The following UBAP1 variants were observed in gnomAD, a reference collection of about 807,000 sequenced individuals.
UBAP1 encodes ubiquitin-associated protein 1.
UBAP1 carries 5 observed loss-of-function variants against 39.0 expected under a neutral mutation model. That is an observed-to-expected ratio of 0.13 (90% CI 0.07 to 0.27). The LOEUF is 0.27. Among genes scored for constraint, UBAP1 ranks in the 10% least tolerant of loss-of-function variants. UBAP1 has a pLI of 1.00. For missense variants in UBAP1, 490 were observed against 608.1 expected (o/e 0.81, Z 2.04); for synonymous variants, 211 against 225.1 (o/e 0.94, Z 0.56).
intron 1 of UBAP1, among the ~76,000 whole-genome samples, chr9:34,215,754 C>T (rs989165778): frequency 2.0e-5 from 3 of 147,402 alleles, no homozygotes; most frequent in African/African-American, 7.6e-5. Flanking sequence ...TATATATGTA[C>T]ACACACACAC....
At chr9:34,228,506 C>A (rs1833226622) in intron 2 of UBAP1, among the ~76,000 whole-genome samples, 1 of 151,430 alleles carries the variant, frequency 6.6e-6, no homozygotes, top group Admixed American at 6.6e-5. Context: ...ATTCTCACAG[C>A]ACCATCATTA....
rs951571946 is a variant in UBAP1 at position 34,234,411 on chromosome 9, A to G, written c.159+71A>G. 4 of 1,491,670 alleles carry G rather than the reference A, an allele frequency of 2.7e-6. 1 individual carries two copies. In the African/African-American group the frequency reaches 4.2e-5, roughly 16 times the overall value. The allele number at this position is 1,491,670 out of a possible 1,614,324, so 92.4% of individuals were successfully genotyped here. On this transcript the variant is annotated intron_variant, in intron 3 of 6. Transcript: ENST00000297661. ...AAGAGTAAGAATTTGATGTATAGTG[A>G]AATAGAAAAAATTACAGTTGTGAGC...
Position 34,179,085 on chromosome 9 carries a change from G to A in UBAP1, c.-163G>A. 7.8e-7 allele frequency: 1 copy of A among 1,278,930 alleles called. No individual in the cohort carries two copies. Among genetic ancestry groups the A allele is most frequent in the Non-Finnish European group, 9.9e-7 (1 of 1,010,590 alleles). The allele number at this position is 1,278,930 out of a possible 1,614,324, so 79.2% of individuals were successfully genotyped here. ...CATGGCGGCTGCGGCACTGGCGGTG[G>A]CTACGGTGACGGCCTGGCCCGGAGC... On this transcript the variant is annotated 5_prime_UTR_variant, in exon 1 of 7. Coordinates refer to ENST00000297661, the MANE Select transcript of UBAP1 (RefSeq NM_016525.5).
chr9:34,250,544 T>A, intron 5 of UBAP1, 114 bp from the exon 6 acceptor site: 2 of 710,262 alleles, frequency 2.8e-6, no homozygotes, highest in Non-Finnish European at 4.7e-6. Flanking sequence ...CTATCCAGTA[T>A]CTGACGGCCT....
intron 3 of UBAP1, among the ~76,000 whole-genome samples, chr9:34,235,171 T>C (rs1402406650): frequency 6.6e-6 from 1 of 152,132 alleles, no homozygotes; most frequent in Non-Finnish European, 1.5e-5. Flanking sequence ...AAAAAACATT[T>C]TAGGCTAAGT....
chr9:34,188,524 C>G (rs55649290), intron 1 of UBAP1, among the ~76,000 whole-genome samples: 3 of 151,490 alleles, frequency 2.0e-5, no homozygotes, highest in Non-Finnish European at 2.9e-5. Flanking sequence ...GCTTCGGCCT[C>G]CCCAAGTGCT....
intron 1 of UBAP1, among the ~76,000 whole-genome samples, chr9:34,211,739 C>G (rs1042222985): frequency 1.3e-5 from 2 of 152,064 alleles, no homozygotes; most frequent in Non-Finnish European, 2.9e-5. Context: ...CTTCCCATTC[C>G]TTAACCCATC....
intron 2 of UBAP1, among the ~76,000 whole-genome samples, chr9:34,223,409 CAAA>C (rs770698280): frequency 7.3e-5 from 6 of 81,972 alleles, no homozygotes; most frequent in Admixed American, 2.7e-4. Context: ...CATTCCATCT[CAAA>C]AAAAAAAAAA....
intron 1 of UBAP1, chr9:34,191,908 T>C (rs779682368): frequency 6.6e-6 from 1 of 151,790 alleles, no homozygotes; most frequent in Non-Finnish European, 1.5e-5. Context: ...AGTGGATTTG[T>C]GAACAAAAAA....
chr9:34,179,743 C>T (rs1340443154), intron 1 of UBAP1, among the ~76,000 whole-genome samples: 2 of 152,096 alleles, frequency 1.3e-5, no homozygotes, highest in Admixed American at 6.6e-5. Flanking sequence ...CTTGTCTGGT[C>T]TTCTCCAGGT....
At chr9:34,179,596 A>T (rs568960546) in intron 1 of UBAP1, among the ~76,000 whole-genome samples, 1 of 152,192 alleles carries the variant, frequency 6.6e-6, no homozygotes, top group South Asian at 2.1e-4. Flanking sequence ...AGATTTTAGT[A>T]AAGAAGGTGA....
chr9:34,189,772 G>T (rs1036932347), intron 1 of UBAP1, among the ~76,000 whole-genome samples: 2 of 152,038 alleles, frequency 1.3e-5, no homozygotes, highest in African/African-American at 4.8e-5. Context: ...GAGTAGCTGG[G>T]ATTACGGGCG....
intron 1 of UBAP1, among the ~76,000 whole-genome samples, chr9:34,184,825 T>C (rs934929408): frequency 1.3e-5 from 2 of 151,572 alleles, no homozygotes; most frequent in African/African-American, 4.8e-5. Flanking sequence ...GGTTTCACCA[T>C]GTTGGCCAGG....
At chr9:34,230,657 A>C (rs1012670637) in intron 2 of UBAP1, among the ~76,000 whole-genome samples, 2 of 152,184 alleles carry the variant, frequency 1.3e-5, no homozygotes, top group Non-Finnish European at 2.9e-5. Flanking sequence ...TATAAGTGCC[A>C]TAGAGTTTAA....
chr9:34,230,303 A>G (rs1032796624), intron 2 of UBAP1, among the ~76,000 whole-genome samples: 1 of 152,092 alleles, frequency 6.6e-6, no homozygotes, highest in Admixed American at 6.5e-5. Context: ...TGACCTCATG[A>G]TCCGCCTGCC....
intron 1 of UBAP1, among the ~76,000 whole-genome samples, chr9:34,217,841 AGGCTG>A (rs1832423522): frequency 9.0e-6 from 1 of 111,088 alleles, no homozygotes. Context: ...TGAGTTGCCC[AGGCTG>A]GAGTGCAGTG....
At chr9:34,244,284 G>C (rs1413202465) in intron 4 of UBAP1, among the ~76,000 whole-genome samples, 1 of 151,040 alleles carries the variant, frequency 6.6e-6, no homozygotes, top group Non-Finnish European at 1.5e-5. Flanking sequence ...ACATAAGTGA[G>C]AACATGTGAT....
intron 2 of UBAP1, chr9:34,224,456 A>G: frequency 2.6e-6 from 1 of 391,014 alleles, no homozygotes; most frequent in Non-Finnish European, 4.9e-6. Flanking sequence ...ATGCAGCCTT[A>G]GGGCACGGTA....
intron 1 of UBAP1, among the ~76,000 whole-genome samples, chr9:34,190,664 C>T (rs1587792465): frequency 1.4e-5 from 2 of 139,188 alleles, no homozygotes; most frequent in Admixed American, 7.5e-5. Flanking sequence ...GACAGGGTCT[C>T]GCTCTGTTGC....
Sources: allele counts gnomAD v4.1 joint callset (sites outside exome capture counted in the v4.1 genomes callset), GRCh38; gene constraint gnomAD v4.1.1; transcripts MANE v1.5; gene names NCBI Gene and HGNC (gene_info 2026-07-23, HGNC 2026-07-21).